HK2: variants seen among roughly 807,000 people sequenced by gnomAD.
The protein encoded by HK2 is hexokinase-2.
In HK2, 42 loss-of-function variants were observed where a neutral mutation model predicts 92.9. The observed-to-expected ratio is 0.45, with a 90% CI of 0.35 to 0.58. The LOEUF (loss-of-function observed/expected upper bound fraction) is 0.58. Among genes scored for constraint, HK2 ranks in the 20% least tolerant of loss-of-function variants. The pLI is 0.00. For synonymous variants in HK2, 422 were observed against 468.0 expected (o/e 0.90, Z 1.27); for missense variants, 978 against 1,245.1 (o/e 0.79, Z 3.23).
At chr2:74,858,301 G>T (rs944975203) in intron 2 of HK2, among the ~76,000 whole-genome samples, 1 of 152,150 alleles carries the variant, frequency 6.6e-6, no homozygotes, top group African/African-American at 2.4e-5. Flanking sequence ...CCTTGGCCCA[G>T]TTTGATTCTA....
Position 74,877,434 on chromosome 2 carries a change from G to T in HK2, c.1031+113G>T, listed in dbSNP as rs955164292. The stretch of plus-strand genomic sequence containing the variant: ...GACTCTTCAAGTATAGACTGCAAGA[G>T]GGTCTCACATGACGTGGACCATGGC... On this transcript the variant is annotated intron_variant, in intron 8 of 17. Transcript: ENST00000290573. 3 of 1,224,112 alleles carry T rather than the reference G, an allele frequency of 2.5e-6. No homozygotes were observed. In the African/African-American group the frequency reaches 4.4e-5, roughly 18 times the overall value. The allele number at this position is 1,224,112 out of a possible 1,614,324, so 75.8% of individuals were successfully genotyped here.
chr2:74,865,505 T>A (rs917419491), intron 2 of HK2, among the ~76,000 whole-genome samples: 1 of 152,102 alleles, frequency 6.6e-6, no homozygotes, highest in African/African-American at 2.4e-5. Context: ...TCATCCCTCA[T>A]GACAGCCACC....
intron 5 of HK2, 109 bp downstream of exon 5, chr2:74,873,480 G>C: frequency 1.3e-6 from 1 of 744,906 alleles, no homozygotes; most frequent in Non-Finnish European, 2.3e-6. Context: ...AGCTTAAGGA[G>C]AGTTCTCTTT....
At chr2:74,885,646 CTG>C in intron 13 of HK2, 57 bp downstream of exon 13, 1 of 1,163,768 alleles carries the variant, frequency 8.6e-7, no homozygotes. Flanking sequence ...TTGGCCTGGT[CTG>C]TGTGTTCAGA....
At chr2:74,874,018 C>A in intron 6 of HK2, 75 bp downstream of exon 6, 1 of 1,183,448 alleles carries the variant, frequency 8.4e-7, no homozygotes, top group Non-Finnish European at 1.3e-6. Context: ...GAGAAGGGGC[C>A]CATGGGCTGG....
chr2:74,850,452 A>T (rs947603314), intron 1 of HK2, among the ~76,000 whole-genome samples: 1 of 152,242 alleles, frequency 6.6e-6, no homozygotes. Context: ...CCTAGGCCAC[A>T]TGACTATCAA....
rs1247519920 is a variant in HK2 at position 74,892,245 on chromosome 2, T to G, written c.*1304T>G. 1 of 152,218 alleles carries G rather than the reference T, an allele frequency of 6.6e-6. No homozygotes were observed. Among genetic ancestry groups the G allele is most frequent in the Non-Finnish European group, 1.5e-5 (1 of 68,040 alleles). The allele number at this position is 152,218 out of a possible 1,614,324, so 9.4% of individuals were successfully genotyped here. A position where few individuals can be genotyped will look rare whatever the true frequency, so the allele number is the denominator to read the frequency against. On this transcript the variant is annotated 3_prime_UTR_variant, in exon 18 of 18. Coordinates refer to ENST00000290573, the MANE Select transcript of HK2 (RefSeq NM_000189.5). ...GATAAAGGAAGTCACCAAAATTTCT[T>G]TTTTTAAATTGTATCTAATCCTCAA...
intron 2 of HK2, among the ~76,000 whole-genome samples, chr2:74,861,781 AC>A (rs1688834062): frequency 2.6e-5 from 4 of 152,370 alleles, no homozygotes; most frequent in African/African-American, 7.2e-5. Context: ...AAGCTCAAGT[AC>A]AACCCAACTG....
chr2:74,859,089 C>T (rs1350153545), intron 2 of HK2, among the ~76,000 whole-genome samples: 2 of 152,174 alleles, frequency 1.3e-5, no homozygotes, highest in African/African-American at 4.8e-5. Context: ...GCTTCTTTCC[C>T]AAACAGTTTT....
At chr2:74,843,044 C>T (rs1247840939) in intron 1 of HK2, among the ~76,000 whole-genome samples, 4 of 152,168 alleles carry the variant, frequency 2.6e-5, no homozygotes, top group African/African-American at 9.7e-5. Flanking sequence ...CACTCATCCT[C>T]ACATCTCTCC....
chr2:74,837,736 C>T (rs571544044), intron 1 of HK2, among the ~76,000 whole-genome samples: 28 of 141,690 alleles, frequency 2.0e-4, no homozygotes, highest in African/African-American at 6.7e-4. Flanking sequence ...AGTGCAGTGG[C>T]GCTATCTCTG....
intron 1 of HK2, among the ~76,000 whole-genome samples, chr2:74,843,136 C>T (rs3821310): frequency 6.6e-6 from 1 of 152,174 alleles, no homozygotes; most frequent in Admixed American, 6.5e-5. Flanking sequence ...AGGTTTGGCC[C>T]CACCGACCCC....
chr2:74,850,397 G>A (rs1232514983), intron 1 of HK2, among the ~76,000 whole-genome samples: 1 of 152,184 alleles, frequency 6.6e-6, no homozygotes, highest in Non-Finnish European at 1.5e-5. Flanking sequence ...TTCAAAAATG[G>A]AATTTAGAGA....
chr2:74,885,866 AC>A (rs1689516631), intron 13 of HK2, among the ~76,000 whole-genome samples: 8 of 151,450 alleles, frequency 5.3e-5, no homozygotes, highest in African/African-American at 2.0e-4. Flanking sequence ...ACACACACAC[AC>A]ACACACACAC....
At chr2:74,875,578 C>T (rs1198962545) in intron 7 of HK2, among the ~76,000 whole-genome samples, 2 of 152,190 alleles carry the variant, frequency 1.3e-5, no homozygotes, top group Non-Finnish European at 2.9e-5. Flanking sequence ...GTCCGCCCTC[C>T]TCGGCCTCCC....
intron 3 of HK2, among the ~76,000 whole-genome samples, chr2:74,869,202 A>G (rs1235784895): frequency 1.3e-5 from 2 of 152,178 alleles, no homozygotes; most frequent in South Asian, 2.1e-4. Context: ...TAAGTGAAAA[A>G]TGCTATTTAA....
rs1689543780 is a variant in HK2, at chr2:74,886,537, CT to C, written c.2084del (p.Leu695ArgfsTer11). The C allele has an allele frequency of 6.2e-7, 1 of 1,613,748 alleles. No individual in the cohort carries two copies. Among genetic ancestry groups the C allele is most frequent in the Non-Finnish European group, 8.5e-7 (1 of 1,179,942 alleles). On this transcript the variant is annotated frameshift_variant, in exon 15 of 18. Coordinates refer to ENST00000290573, the MANE Select transcript of HK2 (RefSeq NM_000189.5). LOFTEE classifies it high-confidence loss of function. ...CATGGAGGAGATGCGCAACGTGGAA[CT>C]GGTGGAAGGAGAAGAGGGGCGGATG... is the stretch of plus-strand genomic sequence containing the variant. Reference protein sequence around the residue: ...CYMEEMRNVELVEGEEGRMCV... With the variant: ...CYMEEMRNVEXVEGEEGRMCV...
At chr2:74,855,643 T>C (rs987754267) in intron 2 of HK2, among the ~76,000 whole-genome samples, 39 of 152,312 alleles carry the variant, frequency 2.6e-4, no homozygotes, top group Middle Eastern at 3.4e-3. Flanking sequence ...TAGGGCTAGG[T>C]CACTGAAGGC....
chr2:74,858,692 G>A (rs566702273), intron 2 of HK2, among the ~76,000 whole-genome samples: 1 of 152,352 alleles, frequency 6.6e-6, no homozygotes, highest in Non-Finnish European at 1.5e-5. Flanking sequence ...ATCACCAGGG[G>A]CCCTGCATTT....
Sources: gnomAD v4.1 joint callset for allele counts (sites outside exome capture counted in the v4.1 genomes callset) on GRCh38, gnomAD v4.1.1 for gene constraint, MANE v1.5 for transcripts, NCBI Gene and HGNC (gene_info 2026-07-23, HGNC 2026-07-21) for gene names.